Variants in BCLAF3 observed in about 807,000 individuals in gnomAD.
BCLAF3 encodes the protein transient octamer binding factor 1.
BCLAF3 carries 24 observed loss-of-function variants against 51.2 expected under a neutral mutation model. The observed-to-expected ratio is 0.47, with a 90% CI of 0.34 to 0.66. The LOEUF (loss-of-function observed/expected upper bound fraction) is 0.66. Ranked by LOEUF, BCLAF3 falls within the 30% of genes least tolerant of loss-of-function variation. The pLI, the probability that BCLAF3 is intolerant of heterozygous loss-of-function variation, is 0.01. For synonymous variants in BCLAF3, 152 were observed against 176.6 expected (o/e 0.86, Z 1.10); for missense variants, 465 against 525.1 (o/e 0.89, Z 1.12).
intron 1 of BCLAF3, among the ~76,000 whole-genome samples, chrX:19,979,092 T>C (rs1454022534): frequency 9.0e-6 from 1 of 110,781 alleles, no homozygotes; most frequent in Non-Finnish European, 1.9e-5. Context: ...AAACCCCGTC[T>C]CTACTAAAAA....
rs141084329 is a variant in BCLAF3, at chrX:19,938,119, G to A, written c.1746-587C>T. Among the ~76,000 whole-genome samples the A allele has an allele frequency of 7.5e-3, 830 of 111,307 alleles. 8 individuals carry two copies. The highest frequency in any genetic ancestry group is 0.025 in the African/African-American group (769 of 30,632). On this transcript the variant is annotated intron_variant, in intron 8 of 11. Coordinates refer to ENST00000379682, the MANE Select transcript of BCLAF3 (RefSeq NM_001367774.2). ...GCTCTTCTCAGGCAGCCCTATCTGGGAGGGAGGTCCTTCCCTGGGATCTTC... is the reference window on the plus strand; with the variant it reads ...GCTCTTCTCAGGCAGCCCTATCTGGAAGGGAGGTCCTTCCCTGGGATCTTC...
At chrX:19,972,386 G>A (rs1212980573) in intron 1 of BCLAF3, among the ~76,000 whole-genome samples, 1 of 111,446 alleles carries the variant, frequency 9.0e-6, no homozygotes, top group Non-Finnish European at 1.9e-5. Context: ...ACCCAAAGGT[G>A]GTAATTTTTT....
intron 1 of BCLAF3, among the ~76,000 whole-genome samples, chrX:19,975,794 G>A (rs957492188): frequency 1.2e-4 from 13 of 111,901 alleles, no homozygotes; most frequent in African/African-American, 2.6e-4. Context: ...TGGCTGCCAG[G>A]AGCATTTCAC....
intron 1 of BCLAF3, among the ~76,000 whole-genome samples, chrX:19,974,855 C>T (rs1366663579): frequency 1.8e-5 from 2 of 111,075 alleles, no homozygotes; most frequent in African/African-American, 6.6e-5. Flanking sequence ...GGACTCCAGC[C>T]TAGGTGACAG....
At chrX:19,925,727 G>T (rs1303965105) in intron 11 of BCLAF3, among the ~76,000 whole-genome samples, 1 of 112,000 alleles carries the variant, frequency 8.9e-6, no homozygotes, top group Non-Finnish European at 1.9e-5. Flanking sequence ...AACACTGGAA[G>T]AAACCAGAGT....
At chrX:19,982,958 C>CTTT (rs749753466) in intron 1 of BCLAF3, among the ~76,000 whole-genome samples, 2 of 72,344 alleles carry the variant, frequency 2.8e-5, no homozygotes, top group Non-Finnish European at 4.8e-5. Flanking sequence ...TTTTTTTTTT[C>CTTT]TTTTTTTTTT....
intron 8 of BCLAF3, among the ~76,000 whole-genome samples, chrX:19,938,952 CTGTT>C (rs1190186154): frequency 1.8e-5 from 2 of 112,193 alleles, no homozygotes; most frequent in Non-Finnish European, 3.8e-5. Context: ...GTGTACCTGT[CTGTT>C]TAACGGAACA....
chrX:19,979,346 C>T (rs898108875), intron 1 of BCLAF3, among the ~76,000 whole-genome samples: 3 of 111,500 alleles, frequency 2.7e-5, no homozygotes, highest in African/African-American at 9.8e-5. Context: ...AAGGCAAGAC[C>T]CTTCATCAGT....
At chrX:19,936,806 G>T (rs1039985850) in intron 9 of BCLAF3, among the ~76,000 whole-genome samples, 1 of 111,204 alleles carries the variant, frequency 9.0e-6, no homozygotes, top group Non-Finnish European at 1.9e-5. Context: ...GTTGGTTGGG[G>T]GTGGCAAAGG....
At chrX:19,941,703 T>C (rs376221668) in intron 8 of BCLAF3, among the ~76,000 whole-genome samples, 4 of 108,221 alleles carry the variant, frequency 3.7e-5, no homozygotes, top group African/African-American at 1.4e-4. Context: ...AGTCAGGTAG[T>C]GTGATGCCTC....
At chrX:19,969,555 A>G (rs968984911) in intron 2 of BCLAF3, among the ~76,000 whole-genome samples, 9 of 111,951 alleles carry the variant, frequency 8.0e-5, no homozygotes, top group African/African-American at 2.9e-4. Flanking sequence ...TCCTCCACAA[A>G]AACAGAATTA....
In BCLAF3 at chrX:19,937,537, T is replaced by C. The variant is rs933782811; in HGVS notation, c.1746-5A>G. The C allele has an allele frequency of 6.5e-6, 6 of 919,531 alleles. No individual in the cohort carries two copies. The African/African-American group carries it at 7.9e-5, about 12-fold the overall frequency. The allele number at this position is 919,531 out of a possible 1,213,427, so 75.8% of individuals were successfully genotyped here. On this transcript the variant is annotated splice_region_variant and splice_polypyrimidine_tract_variant and intron_variant, in intron 8 of 11. Coordinates refer to ENST00000379682, the MANE Select transcript of BCLAF3 (RefSeq NM_001367774.2). ...AAACTGGAATTCTGATCATCCCTAA[T>C]AAGGAAACAGAGAAAATAAGAATAT...
At chrX:19,986,630 T>C (rs1465347111) in intron 1 of BCLAF3, among the ~76,000 whole-genome samples, 1 of 111,000 alleles carries the variant, frequency 9.0e-6, no homozygotes, top group East Asian at 2.8e-4. Flanking sequence ...ATAAAAGGAA[T>C]GAAAACTGTT....
intron 1 of BCLAF3, among the ~76,000 whole-genome samples, chrX:19,975,555 G>A (rs925905537): frequency 1.3e-4 from 14 of 111,399 alleles, no homozygotes; most frequent in African/African-American, 4.6e-4. Context: ...CGTTGGCCAG[G>A]CTGGTCCTGA....
At chrX:19,953,657 T>C in intron 6 of BCLAF3, 121 bp downstream of exon 6, 1 of 423,454 alleles carries the variant, frequency 2.4e-6, no homozygotes, top group African/African-American at 2.4e-5. Flanking sequence ...GTGCAGGAAA[T>C]GCAATCCTAC....
At chrX:19,970,800 G>C (rs1471230532) in intron 1 of BCLAF3, among the ~76,000 whole-genome samples, 1 of 111,673 alleles carries the variant, frequency 9.0e-6, no homozygotes. Flanking sequence ...GCTCAAGTGG[G>C]TCATACAAAA....
chrX:19,953,874 G>A lies in BCLAF3; in HGVS notation c.1469C>T (p.Pro490Leu). 5 of 1,205,197 alleles carry A rather than the reference G, an allele frequency of 4.1e-6. No individual in the cohort carries two copies. The highest frequency in any genetic ancestry group is 5.6e-6 in the Non-Finnish European group (5 of 891,197). ...GAAACGCTCATGTAAAGTAATGCCA[G>A]GTGATGGAAAATAATTTGCTGAAAA... ...HQVKANYFPS[P>L]GITLHERFST... The change falls in exon 6 of 12, where the codon CCT becomes CTT. Residue 490 changes from proline to leucine, a missense_variant. Pro to Leu is a moderately conservative substitution (Grantham distance 98). Transcript: ENST00000379682.
chrX:19,961,609 ATTTAT>A (rs1396914703), intron 4 of BCLAF3, among the ~76,000 whole-genome samples: 2 of 112,548 alleles, frequency 1.8e-5, no homozygotes, highest in African/African-American at 3.2e-5. Flanking sequence ...AAAAAATCTA[ATTTAT>A]TTTAATAGTT....
At chrX:19,958,815 GTA>G (rs1481848251) in intron 4 of BCLAF3, among the ~76,000 whole-genome samples, 1 of 112,451 alleles carries the variant, frequency 8.9e-6, no homozygotes, top group Non-Finnish European at 1.9e-5. Context: ...ATGCATGACT[GTA>G]TATAATTTGC....
Sources: allele counts gnomAD v4.1 joint callset (sites outside exome capture counted in the v4.1 genomes callset), GRCh38; gene constraint gnomAD v4.1.1; transcripts MANE v1.5; gene names NCBI Gene and HGNC (gene_info 2026-07-23, HGNC 2026-07-21).